The following LDLRAD3 variants were observed in gnomAD, a reference collection of about 807,000 sequenced individuals.
LDLRAD3 encodes low-density lipoprotein receptor class A domain-containing protein 3.
A neutral mutation model predicts 29.4 loss-of-function variants in LDLRAD3; 20 were observed. The observed-to-expected ratio is 0.68, with a 90% CI of 0.48 to 0.99. The LOEUF (loss-of-function observed/expected upper bound fraction) is 0.99. Among genes scored for constraint, LDLRAD3 ranks in the 50% least tolerant of loss-of-function variants. The pLI is 0.00. For missense variants in LDLRAD3, 420 were observed against 454.3 expected, an observed-to-expected ratio of 0.92 and a Z score of 0.69; for synonymous variants, 157 against 192.7, an observed-to-expected ratio of 0.81 and a Z score of 1.53.
chr11:36,030,433 GGAGTGT>G (rs1315340432), intron 1 of LDLRAD3, among the ~76,000 whole-genome samples: 1 of 97,854 alleles, frequency 1.0e-5, no homozygotes, highest in Non-Finnish European at 2.0e-5. Flanking sequence ...GCCTGTGCAT[GGAGTGT>G]GTGTGTGTGT....
rs146015472 is a variant in LDLRAD3 at position 36,011,697 on chromosome 11, A to G, written c.47-24406A>G. On this transcript the variant is annotated intron_variant, in intron 1 of 5. Coordinates refer to ENST00000315571, the MANE Select transcript of LDLRAD3 (RefSeq NM_174902.4). ...CATAGCAGAGGTCAGTTGGAAAGAG[A>G]TTTAGCGAGCCAGTTAGAGCCTGAT... Among the ~76,000 whole-genome samples, 6 of 152,310 alleles carry G rather than the reference A, an allele frequency of 3.9e-5. No homozygotes were observed. In the East Asian group the frequency reaches 1.2e-3, roughly 29 times the overall value.
intron 4 of LDLRAD3, among the ~76,000 whole-genome samples, chr11:36,126,945 A>C (rs368182025): frequency 3.5e-4 from 53 of 152,354 alleles, no homozygotes; most frequent in African/African-American, 1.2e-3. Context: ...AAAATTGTGC[A>C]GAATCAGCCC....
intron 1 of LDLRAD3, among the ~76,000 whole-genome samples, chr11:35,948,975 A>G (rs539600435): frequency 2.0e-5 from 3 of 152,086 alleles, no homozygotes; most frequent in Non-Finnish European, 2.9e-5. Context: ...AGCATGAGCA[A>G]GTGTCCTTGC....
At chr11:36,026,216 T>C (rs896091753) in intron 1 of LDLRAD3, among the ~76,000 whole-genome samples, 2 of 152,238 alleles carry the variant, frequency 1.3e-5, no homozygotes, top group South Asian at 4.1e-4. Flanking sequence ...CAGATTTACC[T>C]ATGTTGAGTG....
At chr11:36,032,305 G>C (rs1377825302) in intron 1 of LDLRAD3, among the ~76,000 whole-genome samples, 3 of 152,142 alleles carry the variant, frequency 2.0e-5, no homozygotes, top group Non-Finnish European at 4.4e-5. Context: ...CTCACAGCAG[G>C]GGGCACTGAG....
chr11:36,005,795 C>T (rs998414827), intron 1 of LDLRAD3, among the ~76,000 whole-genome samples: 1 of 152,180 alleles, frequency 6.6e-6, no homozygotes, highest in African/African-American at 2.4e-5. Context: ...TAGGAGGCCT[C>T]AGGCAACTTA....
chr11:36,090,610 C>T (rs765732137), intron 3 of LDLRAD3, among the ~76,000 whole-genome samples: 11 of 152,148 alleles, frequency 7.2e-5, no homozygotes, highest in South Asian at 2.1e-4. Context: ...AACAGACTAC[C>T]ATTAGCAATG....
At chr11:36,104,833 T>C (rs1240309074) in intron 4 of LDLRAD3, among the ~76,000 whole-genome samples, 1 of 152,160 alleles carries the variant, frequency 6.6e-6, no homozygotes. Flanking sequence ...ATAAGACTCC[T>C]GTCTGGTAAC....
chr11:36,093,303 G>T (rs1410944067), intron 3 of LDLRAD3, among the ~76,000 whole-genome samples: 1 of 152,084 alleles, frequency 6.6e-6, no homozygotes, highest in African/African-American at 2.4e-5. Flanking sequence ...ATTTGCTTCA[G>T]AATTTTAAAA....
At chr11:36,136,891 A>G (rs1262494926) in intron 4 of LDLRAD3, among the ~76,000 whole-genome samples, 1 of 152,088 alleles carries the variant, frequency 6.6e-6, no homozygotes, top group African/African-American at 2.4e-5. Context: ...GGGTTTTGCC[A>G]TGTTGGCCAA....
chr11:36,225,748 G>A (rs1855489513), intron 4 of LDLRAD3, among the ~76,000 whole-genome samples: 2 of 152,036 alleles, frequency 1.3e-5, no homozygotes. Flanking sequence ...ACCCCATGGA[G>A]TTGTTATGAG....
chr11:36,168,219 A>G (rs1854542307), intron 4 of LDLRAD3, among the ~76,000 whole-genome samples: 1 of 152,144 alleles, frequency 6.6e-6, no homozygotes, highest in Non-Finnish European at 1.5e-5. Context: ...TTCTTTAAAA[A>G]CCAACAAGAT....
chr11:36,082,981 T>TA (rs1304721354), intron 3 of LDLRAD3, among the ~76,000 whole-genome samples: 1 of 152,192 alleles, frequency 6.6e-6, no homozygotes, highest in Non-Finnish European at 1.5e-5. Context: ...TGAACAAACT[T>TA]ACACGTTTAT....
rs1446850777 is a variant in LDLRAD3 at position 36,140,852 on chromosome 11, C to CGAG, written c.454+42393_454+42395dup. On this transcript the variant is annotated intron_variant, in intron 4 of 5. Transcript: ENST00000315571. ...TGAAGAAAATAATTACCTAGGAGCA[C>CGAG]GAGGGGTGAGCAGGCAATGCAATTG... Among the ~76,000 whole-genome samples, 8 of 152,160 alleles carry CGAG rather than the reference C, an allele frequency of 5.3e-5. No individual in the cohort carries two copies. The East Asian group carries it at 1.5e-3, about 29-fold the overall frequency.
At chr11:36,152,913 C>T (rs543680584) in intron 4 of LDLRAD3, among the ~76,000 whole-genome samples, 21 of 152,186 alleles carry the variant, frequency 1.4e-4, no homozygotes, top group African/African-American at 5.1e-4. Flanking sequence ...TGGGGACCTC[C>T]AACAAAGAGG....
At chr11:36,136,699 T>C (rs1306148104) in intron 4 of LDLRAD3, among the ~76,000 whole-genome samples, 2 of 125,192 alleles carry the variant, frequency 1.6e-5, no homozygotes, top group African/African-American at 2.6e-5. Context: ...ACTAATCCTC[T>C]TTTTTTTTTT....
At chr11:36,117,657 A>G (rs12293100) in intron 4 of LDLRAD3, among the ~76,000 whole-genome samples, 3,235 of 152,318 alleles carry the variant, frequency 0.021, 108 homozygotes, top group African/African-American at 0.073. Context: ...CCAGCGTGAC[A>G]GTGTGATGGG....
chr11:36,094,003 G>A (rs1309201789), intron 3 of LDLRAD3, among the ~76,000 whole-genome samples: 3 of 152,180 alleles, frequency 2.0e-5, no homozygotes, highest in Non-Finnish European at 4.4e-5. Flanking sequence ...GGTGATGGTG[G>A]GGATCCATCA....
chr11:36,126,283 T>G (rs1853836050), intron 4 of LDLRAD3, among the ~76,000 whole-genome samples: 1 of 152,214 alleles, frequency 6.6e-6, no homozygotes, highest in African/African-American at 2.4e-5. Context: ...CTTCAGTTCC[T>G]GGGCGTGAAT....
Sources: gnomAD v4.1 joint callset for allele counts (sites outside exome capture counted in the v4.1 genomes callset) on GRCh38, gnomAD v4.1.1 for gene constraint, MANE v1.5 for transcripts, NCBI Gene and HGNC (gene_info 2026-07-23, HGNC 2026-07-21) for gene names.